The following SPATA6L variants were observed in gnomAD, a reference collection of about 807,000 sequenced individuals.
The protein encoded by SPATA6L is spermatogenesis associated 6-like protein.
SPATA6L carries 68 observed loss-of-function variants against 49.2 expected under a neutral mutation model. The observed-to-expected ratio is 1.38, with a 90% CI of 1.14 to 1.69. The LOEUF (loss-of-function observed/expected upper bound fraction) is 1.69. SPATA6L is among the 40% of genes most tolerant of loss of function. The pLI is 0.00. For synonymous variants in SPATA6L, 198 were observed against 165.7 expected (o/e 1.19, Z -1.50); for missense variants, 668 against 464.3 (o/e 1.44, Z -4.03).
chr9:4,661,827 A>T (rs184859315), intron 2 of SPATA6L, 72 bp downstream of exon 2: 1 of 1,544,350 alleles, frequency 6.5e-7, no homozygotes, highest in Admixed American at 1.9e-5. Context: ...TAATGCTGTA[A>T]GAACTCTGTT....
intron 3 of SPATA6L, among the ~76,000 whole-genome samples, chr9:4,652,983 T>C (rs1473934898): frequency 6.6e-6 from 1 of 152,130 alleles, no homozygotes; most frequent in Admixed American, 6.5e-5. Flanking sequence ...CCTGTCAATA[T>C]CCTAGCTGGC....
intron 3 of SPATA6L, among the ~76,000 whole-genome samples, chr9:4,651,791 G>A (rs977110815): frequency 5.9e-5 from 9 of 152,076 alleles, no homozygotes; most frequent in Admixed American, 5.9e-4. Context: ...GAATAAAGAG[G>A]AACTTCCTCA....
chr9:4,628,146 C>CA, intron 5 of SPATA6L: 2 of 174,970 alleles, frequency 1.1e-5, no homozygotes, highest in Non-Finnish European at 2.3e-5. Flanking sequence ...GGTTAAAGGG[C>CA]ACAAAAAAAA....
At chr9:4,632,811 T>C (rs918858503) in intron 4 of SPATA6L, among the ~76,000 whole-genome samples, 1 of 152,150 alleles carries the variant, frequency 6.6e-6, no homozygotes, top group Non-Finnish European at 1.5e-5. Flanking sequence ...AAATTGTCTA[T>C]TAAAGCAGAG....
intron 9 of SPATA6L, among the ~76,000 whole-genome samples, chr9:4,613,862 T>C (rs1827351474): frequency 6.6e-6 from 1 of 152,134 alleles, no homozygotes; most frequent in Admixed American, 6.5e-5. Context: ...GGATTCCAGG[T>C]GTGAGCCACC....
In SPATA6L at chr9:4,619,452, G is replaced by A. The variant is rs114047470; in HGVS notation, c.773-554C>T. On this transcript the variant is annotated intron_variant, in intron 7 of 11. Coordinates refer to ENST00000682582, the MANE Select transcript of SPATA6L (RefSeq NM_001353486.2). ...GGATTACAGGTGTAAGCCTCTGGACGTTTTGTTTTCAATGACAGCACATGT... is the reference window on the plus strand; with the variant it reads ...GGATTACAGGTGTAAGCCTCTGGACATTTTGTTTTCAATGACAGCACATGT... Among the ~76,000 whole-genome samples, 1,013 of 152,106 alleles carry A rather than the reference G, an allele frequency of 6.7e-3. 13 individuals are homozygous for A. The highest frequency in any genetic ancestry group is 0.022 in the African/African-American group (926 of 41,492).
intron 3 of SPATA6L, chr9:4,646,467 C>A (rs200643057): frequency 5.6e-5 from 84 of 1,496,258 alleles, no homozygotes; most frequent in Non-Finnish European, 7.1e-5. Flanking sequence ...AATTTAGAAA[C>A]GGATTTACTG....
chr9:4,649,415 G>A (rs976884030), intron 3 of SPATA6L, among the ~76,000 whole-genome samples: 3 of 152,072 alleles, frequency 2.0e-5, no homozygotes, highest in Admixed American at 6.5e-5. Context: ...TTTGATTATG[G>A]TCAGGCTCTA....
At chr9:4,592,283 C>T (rs560711722) in intron 13 of SPATA6L, among the ~76,000 whole-genome samples, 10 of 148,664 alleles carry the variant, frequency 6.7e-5, no homozygotes, top group African/African-American at 2.5e-4. Flanking sequence ...CCACTGCACT[C>T]CAGCCTGGGT....
intron 3 of SPATA6L, among the ~76,000 whole-genome samples, chr9:4,638,261 G>T (rs941646944): frequency 6.6e-6 from 1 of 151,990 alleles, no homozygotes; most frequent in Admixed American, 6.6e-5. Flanking sequence ...GCCCAGACTG[G>T]AGTGCAGTGG....
chr9:4,594,557 G>C (rs1327122640), downstream of SPATA6L, among the ~76,000 whole-genome samples: 1 of 152,128 alleles, frequency 6.6e-6, no homozygotes, highest in Non-Finnish European at 1.5e-5. Context: ...CTACAATCTA[G>C]GATCATAAAC....
downstream of SPATA6L, among the ~76,000 whole-genome samples, chr9:4,598,137 C>T (rs929074587): frequency 6.6e-6 from 1 of 152,076 alleles, no homozygotes; most frequent in African/African-American, 2.4e-5. Flanking sequence ...AGAGAACTGG[C>T]CTCATTGTAC....
intron 2 of SPATA6L, among the ~76,000 whole-genome samples, chr9:4,658,051 G>C (rs1411130055): frequency 6.6e-6 from 1 of 152,138 alleles, no homozygotes; most frequent in Non-Finnish European, 1.5e-5. Flanking sequence ...AACTAGGAGA[G>C]AGGCCTGGAA....
At chr9:4,613,702 A>C (rs1255074770) in intron 9 of SPATA6L, among the ~76,000 whole-genome samples, 3 of 151,718 alleles carry the variant, frequency 2.0e-5, no homozygotes, top group African/African-American at 7.3e-5. Flanking sequence ...TCCTGCCTCA[A>C]CCTCCCAAGT....
At chr9:4,631,237 G>A (rs1035351547) in intron 4 of SPATA6L, among the ~76,000 whole-genome samples, 3 of 151,896 alleles carry the variant, frequency 2.0e-5, no homozygotes, top group Non-Finnish European at 4.4e-5. Context: ...CCTTACCAAT[G>A]GAACGATGGT....
intron 3 of SPATA6L, among the ~76,000 whole-genome samples, chr9:4,650,273 T>C (rs1463683973): frequency 1.3e-5 from 2 of 152,216 alleles, no homozygotes; most frequent in Non-Finnish European, 1.5e-5. Flanking sequence ...TGGTCCTTTC[T>C]CTATATTCTG....
chr9:4,604,592 T>C (rs1824251579), intron 10 of SPATA6L, among the ~76,000 whole-genome samples: 1 of 152,272 alleles, frequency 6.6e-6, no homozygotes, highest in Admixed American at 6.5e-5. Context: ...AGGTTGGGAA[T>C]TAAAGCAAAG....
chr9:4,616,296 T>A (rs1827980488), intron 9 of SPATA6L, among the ~76,000 whole-genome samples: 3 of 151,900 alleles, frequency 2.0e-5, no homozygotes, highest in Non-Finnish European at 2.9e-5. Flanking sequence ...TAATAATAAT[T>A]AATTTAAAAA....
chr9:4,605,528 A>C (rs1220049274), intron 9 of SPATA6L, 88 bp from the exon 10 acceptor site: 1 of 850,616 alleles, frequency 1.2e-6, no homozygotes, highest in East Asian at 2.5e-5. Context: ...GATATTTAAA[A>C]CTTAATTATA....
Sources: gnomAD v4.1 joint callset for allele counts (sites outside exome capture counted in the v4.1 genomes callset) on GRCh38, gnomAD v4.1.1 for gene constraint, MANE v1.5 for transcripts, NCBI Gene and HGNC (gene_info 2026-07-23, HGNC 2026-07-21) for gene names.